Variants in RASSF9 observed in about 807,000 individuals in gnomAD.
RASSF9 encodes Ras association domain family member 9.
RASSF9 carries 18 observed loss-of-function variants against 21.4 expected under a neutral mutation model. The observed-to-expected ratio is 0.84, with a 90% CI of 0.58 to 1.25. The LOEUF is 1.25. Ranked by LOEUF, RASSF9 falls within the 50% of genes most tolerant of loss-of-function variation. The pLI is 0.00. For synonymous variants in RASSF9, 183 were observed against 179.1 expected, an observed-to-expected ratio of 1.02 and a Z score of -0.18; for missense variants, 480 against 503.2, an observed-to-expected ratio of 0.95 and a Z score of 0.44.
chr12:85,823,862 C>A (rs943459161), intron 1 of RASSF9, among the ~76,000 whole-genome samples: 1 of 152,136 alleles, frequency 6.6e-6, no homozygotes, highest in Admixed American at 6.5e-5. Flanking sequence ...TGCTGACCCA[C>A]AGAATTATGG....
Position 85,805,602 on chromosome 12 carries a change from G to A in RASSF9, c.408C>T (p.Asn136=). The stretch of plus-strand genomic sequence containing the variant: ...GGCTGAGCTCCCACAATTTTTCTGT[G>A]TTTTGCACTAATTTGGCTTCAGCTG... ...WRTAEAKLVQ[N]TEKLWELSPA... is the part of the protein sequence containing the mutation. Residue 136 remains asparagine (N), a synonymous_variant, in exon 2 of 2, where the codon AAC becomes AAT. Transcript: ENST00000361228. 6.2e-7 allele frequency: 1 copy of A among 1,613,908 alleles called. No homozygotes were observed. The highest frequency in any genetic ancestry group is 8.5e-7 in the Non-Finnish European group (1 of 1,179,878).
chr12:85,834,287 T>C (rs989022632), intron 1 of RASSF9, among the ~76,000 whole-genome samples: 3 of 152,106 alleles, frequency 2.0e-5, no homozygotes, highest in African/African-American at 7.2e-5. Flanking sequence ...ACACTTGCGT[T>C]TATAACAAAG....
Position 85,803,429 on chromosome 12 carries a change from A to G in RASSF9, c.*1273T>C, listed in dbSNP as rs895610867. 4.6e-5 allele frequency: 7 copies of G among 152,180 alleles called. No individual in the cohort carries two copies. The highest frequency in any genetic ancestry group is 1.7e-4 in the African/African-American group (7 of 41,452). The allele number at this position is 152,180 out of a possible 1,614,324, so 9.4% of individuals were successfully genotyped here. On this transcript the variant is annotated 3_prime_UTR_variant, in exon 2 of 2. Coordinates refer to ENST00000361228, the MANE Select transcript of RASSF9 (RefSeq NM_005447.4). ...TACAATAAAAAATAATTATTTCATT[A>G]TGATTGCATCATGTGTTCATTGGCA...
chr12:85,802,271 A>G lies in RASSF9; in HGVS notation c.*2431T>C, dbSNP rs960665603. 7 of 152,178 alleles carry G rather than the reference A, an allele frequency of 4.6e-5. No individual in the cohort carries two copies. The highest frequency in any genetic ancestry group is 3.2e-3 in the Middle Eastern group (1 of 316). 9.4% of individuals were successfully genotyped at this position (152,178 alleles called of 1,614,324 possible). On this transcript the variant is annotated 3_prime_UTR_variant, in exon 2 of 2. Transcript: ENST00000361228. ...TCCAATTCTCACTTAATTTAATAAC[A>G]AATAGTTCAGTATCCAGACATGAGG...
In RASSF9 at chr12:85,804,997, C is replaced by T; in HGVS notation, c.1013G>A (p.Gly338Asp). Residue 338 changes from glycine (G) to aspartate (D), a missense_variant, in exon 2 of 2, where the codon GGC becomes GAC. Gly to Asp is a moderately conservative substitution (Grantham distance 94). Transcript: ENST00000361228. ...ACTGTATTTAATCTCTTTCTGGATGCCACTCAAATGAGAGTGAATTTTCAA... is the reference window on the plus strand; with the variant it reads ...ACTGTATTTAATCTCTTTCTGGATGTCACTCAAATGAGAGTGAATTTTCAA... Reference protein sequence around the residue: ...AGLKIHSHLSGIQKEIKYSDS... With the variant: ...AGLKIHSHLSDIQKEIKYSDS... 1 of 1,613,794 alleles carries T rather than the reference C, an allele frequency of 6.2e-7. No individual in the cohort carries two copies. Among genetic ancestry groups the T allele is most frequent in the Non-Finnish European group, 8.5e-7 (1 of 1,179,730 alleles).
At chr12:85,832,796 T>G (rs192372663) in intron 1 of RASSF9, among the ~76,000 whole-genome samples, 2 of 152,046 alleles carry the variant, frequency 1.3e-5, no homozygotes, top group African/African-American at 4.8e-5. Context: ...AATTCAGTCA[T>G]AGAATATTCT....
Position 85,805,812 on chromosome 12 carries a change from C to A in RASSF9, c.198G>T (p.Glu66Asp), listed in dbSNP as rs774455714. 3.7e-6 allele frequency: 6 copies of A among 1,613,934 alleles called. No homozygotes were observed. The South Asian group carries it at 4.4e-5, about 12-fold the overall frequency. The change falls in exon 2 of 2, where the codon GAG (glutamate) becomes GAT (aspartate). Residue 66 changes from glutamate (E) to aspartate (D), a missense_variant. Transcript: ENST00000361228. ...LLEEHEATFG[E>D]KRFLLGKPSD... ...TGGGCTTCCCCAGAAGAAATCGTTT[C>A]TCTCCAAACGTAGCCTCATGTTCCT...
Position 85,802,012 on chromosome 12 carries a change from AG to A in RASSF9, c.*2689del, listed in dbSNP as rs1424760875. Reference sequence around the variant, plus strand: ...CTAGCACATTAAAAAGACTGTGGAAAGGGTAAGATTTCAGAGCATTGCAGAA... The same window carrying A: ...CTAGCACATTAAAAAGACTGTGGAAAGGTAAGATTTCAGAGCATTGCAGAA... On this transcript the variant is annotated 3_prime_UTR_variant, in exon 2 of 2. Transcript: ENST00000361228. 8 of 152,218 alleles carry A rather than the reference AG, an allele frequency of 5.3e-5. No homozygotes were observed. Among genetic ancestry groups the A allele is most frequent in the Non-Finnish European group, 1.2e-4 (8 of 68,044 alleles). 9.4% of individuals were successfully genotyped at this position (152,218 alleles called of 1,614,324 possible).
rs1879820236 is a variant in RASSF9 at position 85,805,853 on chromosome 12, T to C, written c.157A>G (p.Ile53Val). Residue 53 changes from isoleucine to valine, a missense_variant, in exon 2 of 2, where the codon ATC becomes GTC. By Grantham distance (29) the Ile-to-Val change is conservative. Transcript: ENST00000361228. Reference sequence around the variant, plus strand: ...TCATGTTCCTCAAGCAAAGCCTGGATGACATCAGCAGAGGTGGTGCGTTTA... The same window carrying C: ...TCATGTTCCTCAAGCAAAGCCTGGACGACATCAGCAGAGGTGGTGCGTTTA... ...LTKRTTSADV[I>V]QALLEEHEAT... 5 of 1,613,814 alleles carry C rather than the reference T, an allele frequency of 3.1e-6. No individual in the cohort carries two copies. The Admixed American group carries it at 6.7e-5, about 22-fold the overall frequency.
At chr12:85,816,500 C>A (rs532120638) in intron 1 of RASSF9, among the ~76,000 whole-genome samples, 2 of 151,984 alleles carry the variant, frequency 1.3e-5, no homozygotes, top group South Asian at 4.2e-4. Flanking sequence ...ACACGTAATT[C>A]CCTTCAAAAT....
chr12:85,804,910 A>G lies in RASSF9; in HGVS notation c.1100T>C (p.Leu367Pro). Residue 367 changes from leucine (L) to proline (P), a missense_variant, in exon 2 of 2, where the codon CTT (leucine) becomes CCT (proline). Coordinates refer to ENST00000361228, the MANE Select transcript of RASSF9 (RefSeq NM_005447.4). ...YELLAKEFNS[L>P]HISNKDGCQL... ...GCACCCATCTTTGTTGCTAATGTGA[A>G]GTGAATTGAATTCCTTGGCCAGGAG... 1 of 1,613,854 alleles carries G rather than the reference A, an allele frequency of 6.2e-7. No individual in the cohort carries two copies. The highest frequency in any genetic ancestry group is 8.5e-7 in the Non-Finnish European group (1 of 1,179,758).
At chr12:85,810,898 A>G (rs1352554547) in intron 1 of RASSF9, among the ~76,000 whole-genome samples, 1 of 140,260 alleles carries the variant, frequency 7.1e-6, no homozygotes, top group Non-Finnish European at 1.6e-5. Flanking sequence ...CATGTGTAAA[A>G]TTGTTATTTG....
At chr12:85,818,530 A>G (rs769466462) in intron 1 of RASSF9, among the ~76,000 whole-genome samples, 11 of 152,236 alleles carry the variant, frequency 7.2e-5, no homozygotes, top group Non-Finnish European at 1.2e-4. Flanking sequence ...ACATAAGACA[A>G]TATATATTTA....
intron 1 of RASSF9, among the ~76,000 whole-genome samples, chr12:85,819,763 G>T (rs1328435864): frequency 2.0e-5 from 3 of 152,142 alleles, no homozygotes; most frequent in Non-Finnish European, 4.4e-5. Context: ...CTAGTTCCCT[G>T]TCTGCTTTAG....
chr12:85,810,031 T>C (rs530682445), intron 1 of RASSF9, among the ~76,000 whole-genome samples: 13 of 151,978 alleles, frequency 8.6e-5, no homozygotes, highest in Non-Finnish European at 1.9e-4. Context: ...TTTACAATCA[T>C]TCAAACAGAA....
At chr12:85,828,349 A>T (rs1347901392) in intron 1 of RASSF9, among the ~76,000 whole-genome samples, 2 of 152,116 alleles carry the variant, frequency 1.3e-5, no homozygotes, top group Non-Finnish European at 2.9e-5. Context: ...TATTAAAATA[A>T]CTAAAAGAGT....
At chr12:85,814,945 G>T (rs905994498) in intron 1 of RASSF9, among the ~76,000 whole-genome samples, 3 of 152,046 alleles carry the variant, frequency 2.0e-5, no homozygotes, top group African/African-American at 7.2e-5. Context: ...ATGCAGTGAT[G>T]GTTGTGGTAG....
chr12:85,816,642 C>A (rs1172397717), intron 1 of RASSF9, among the ~76,000 whole-genome samples: 1 of 152,012 alleles, frequency 6.6e-6, no homozygotes, highest in African/African-American at 2.4e-5. Flanking sequence ...ATATTATTCA[C>A]CTATATGTGT....
chr12:85,808,590 G>C (rs1565752125), intron 1 of RASSF9, among the ~76,000 whole-genome samples: 1 of 151,970 alleles, frequency 6.6e-6, no homozygotes, highest in African/African-American at 2.4e-5. Flanking sequence ...CTTTAAGTAA[G>C]TGATACTAAC....
Sources: allele counts gnomAD v4.1 joint callset (sites outside exome capture counted in the v4.1 genomes callset), GRCh38; gene constraint gnomAD v4.1.1; transcripts MANE v1.5; gene names NCBI Gene and HGNC (gene_info 2026-07-23, HGNC 2026-07-21).